Variants in FHIT observed in about 807,000 individuals in gnomAD.
FHIT encodes bis(5'-adenosyl)-triphosphatase.
A neutral mutation model predicts 17.9 loss-of-function variants in FHIT; 19 were observed. The ratio of observed to expected loss-of-function variants is 1.06; its 90% CI spans 0.74 to 1.56. The LOEUF (loss-of-function observed/expected upper bound fraction) is 1.56. Among genes scored for constraint, FHIT ranks in the 40% most tolerant of loss-of-function variants. The probability of loss-of-function intolerance (pLI) is 0.00; values close to 1 mark genes in which losing one functional copy is unlikely to be tolerated. For missense variants in FHIT, 248 were observed against 189.2 expected (o/e 1.31, Z -1.82); for synonymous variants, 81 against 69.7 (o/e 1.16, Z -0.81).
intron 3 of FHIT, among the ~76,000 whole-genome samples, chr3:60,873,241 T>A (rs1704492606): frequency 6.6e-6 from 1 of 152,014 alleles, no homozygotes; most frequent in African/African-American, 2.4e-5. Context: ...AGGATACAAC[T>A]TTTCCCTCCA....
At chr3:61,131,878 AC>A (rs1251111312) in intron 2 of FHIT, among the ~76,000 whole-genome samples, 1 of 152,206 alleles carries the variant, frequency 6.6e-6, no homozygotes, top group Non-Finnish European at 1.5e-5. Context: ...AGACTGGCCA[AC>A]AGATGCCCAG....
At chr3:60,454,351 C>T (rs1459036190) in intron 5 of FHIT, among the ~76,000 whole-genome samples, 2 of 151,904 alleles carry the variant, frequency 1.3e-5, no homozygotes, top group African/African-American at 4.8e-5. Context: ...TCACAAATCC[C>T]ACAGCACCAA....
chr3:60,035,326 TC>T (rs1701170612), intron 5 of FHIT, among the ~76,000 whole-genome samples: 1 of 152,180 alleles, frequency 6.6e-6, no homozygotes, highest in African/African-American at 2.4e-5. Context: ...AACCCCTGCC[TC>T]CTGGGTTCAA....
At chr3:59,913,708 A>G (rs1220315094) in intron 8 of FHIT, among the ~76,000 whole-genome samples, 1 of 152,202 alleles carries the variant, frequency 6.6e-6, no homozygotes, top group East Asian at 1.9e-4. Context: ...ATAGTTGTTT[A>G]TGACCACTAA....
intron 1 of FHIT, among the ~76,000 whole-genome samples, chr3:61,202,073 C>CACACACACAG (rs1206003957): frequency 2.6e-5 from 4 of 151,750 alleles, no homozygotes; most frequent in Admixed American, 2.6e-4. Context: ...TAGATACACA[C>CACACACACAG]ACACACACAC....
intron 5 of FHIT, among the ~76,000 whole-genome samples, chr3:60,085,153 G>C (rs981332821): frequency 2.0e-5 from 3 of 152,186 alleles, no homozygotes; most frequent in South Asian, 2.1e-4. Flanking sequence ...GAACAAAAGA[G>C]AGTGGTCTAG....
intron 5 of FHIT, among the ~76,000 whole-genome samples, chr3:60,262,371 ACTTTAC>A (rs2107612100): frequency 6.6e-6 from 1 of 152,148 alleles, no homozygotes; most frequent in South Asian, 2.1e-4. Context: ...ACAATGTCAA[ACTTTAC>A]CTGAGCCCTG....
chr3:60,554,214 T>C (rs1366330874), intron 4 of FHIT, among the ~76,000 whole-genome samples: 3 of 151,444 alleles, frequency 2.0e-5, no homozygotes, highest in Admixed American at 6.6e-5. Flanking sequence ...GATTCGTTTT[T>C]TTCATTCTGA....
At chr3:60,467,006 G>A (rs555785592) in intron 5 of FHIT, among the ~76,000 whole-genome samples, 12 of 151,834 alleles carry the variant, frequency 7.9e-5, no homozygotes, top group South Asian at 6.2e-4. Context: ...CAAATCTAGC[G>A]CTTTTCTTTG....
At chr3:60,475,441 C>T (rs1239979620) in intron 5 of FHIT, among the ~76,000 whole-genome samples, 1 of 152,116 alleles carries the variant, frequency 6.6e-6, no homozygotes, top group African/African-American at 2.4e-5. Context: ...TACTTTGAAA[C>T]CAAAGCTCCA....
chr3:59,775,173 G>A (rs893418581), intron 8 of FHIT, among the ~76,000 whole-genome samples: 1 of 152,120 alleles, frequency 6.6e-6, no homozygotes, highest in Non-Finnish European at 1.5e-5. Flanking sequence ...CAGAGCTGAT[G>A]ATTTCTATTC....
chr3:60,959,253 T>C (rs960814755), intron 3 of FHIT, among the ~76,000 whole-genome samples: 3 of 152,206 alleles, frequency 2.0e-5, no homozygotes, highest in African/African-American at 7.2e-5. Flanking sequence ...TTAACTCTTA[T>C]GAGCCTCAAT....
intron 5 of FHIT, among the ~76,000 whole-genome samples, chr3:60,150,152 C>CA (rs1553698262): frequency 5.9e-5 from 9 of 151,800 alleles, no homozygotes; most frequent in Non-Finnish European, 1.2e-4. Context: ...ATGCGCCCCC[C>CA]ACGCCCGGCT....
intron 5 of FHIT, among the ~76,000 whole-genome samples, chr3:60,091,982 C>T (rs1480291639): frequency 2.6e-5 from 4 of 152,200 alleles, no homozygotes; most frequent in Non-Finnish European, 5.9e-5. Flanking sequence ...GTACCTCCAA[C>T]CTGCTAATTA....
chr3:60,931,945 A>C (rs782486046), intron 3 of FHIT, among the ~76,000 whole-genome samples: 7 of 152,188 alleles, frequency 4.6e-5, no homozygotes, highest in South Asian at 4.1e-4. Flanking sequence ...CCAGAGCACA[A>C]GGGTGTGATA....
At position 60,876,227 on chromosome 3, in the gene FHIT, T is replaced by C. The variant is rs150199569; in HGVS notation, c.-110-54216A>G. Among the ~76,000 whole-genome samples the C allele has an allele frequency of 6.4e-3, 969 of 152,210 alleles. 6 individuals are homozygous for C. Among genetic ancestry groups the C allele is most frequent in the African/African-American group, 0.023 (935 of 41,528 alleles). On this transcript the variant is annotated intron_variant, in intron 3 of 9. Transcript: ENST00000492590. ...AATGAAATCCATTATATTCATACTT[T>C]TTGGTTGAGTTTAGGTAATGGAACA...
chr3:60,926,133 A>T (rs1427817575), intron 3 of FHIT, among the ~76,000 whole-genome samples: 1 of 152,148 alleles, frequency 6.6e-6, no homozygotes, highest in Non-Finnish European at 1.5e-5. Flanking sequence ...CACTGTCAAC[A>T]TTAGACAGAT....
chr3:60,703,287 G>T (rs1282005399), intron 4 of FHIT, among the ~76,000 whole-genome samples: 2 of 152,168 alleles, frequency 1.3e-5, no homozygotes, highest in African/African-American at 2.4e-5. Flanking sequence ...AAGGCAGGAT[G>T]TCCCTGCTGG....
intron 5 of FHIT, among the ~76,000 whole-genome samples, chr3:60,233,227 G>A (rs1358022153): frequency 6.6e-6 from 1 of 152,140 alleles, no homozygotes; most frequent in African/African-American, 2.4e-5. Flanking sequence ...AAAATCTTAA[G>A]AACTTGTATG....
Sources: gnomAD v4.1 joint callset for allele counts (sites outside exome capture counted in the v4.1 genomes callset) on GRCh38, gnomAD v4.1.1 for gene constraint, MANE v1.5 for transcripts, NCBI Gene and HGNC (gene_info 2026-07-23, HGNC 2026-07-21) for gene names.